The following NAV3 variants were observed in gnomAD, a reference collection of about 807,000 sequenced individuals.
NAV3 encodes neuron navigator 3.
Under a neutral mutation model 244.7 loss-of-function variants are expected in NAV3, and 87 were observed. The ratio of observed to expected loss-of-function variants is 0.36; its 90% CI spans 0.30 to 0.42. The LOEUF is 0.42. Ranked by LOEUF, NAV3 falls within the 20% of genes least tolerant of loss-of-function variation. The pLI is 1.00. For missense variants in NAV3, 2,663 were observed against 2,893.3 expected, an observed-to-expected ratio of 0.92 and a Z score of 1.83; for synonymous variants, 1,126 against 1,042.2, an observed-to-expected ratio of 1.08 and a Z score of -1.55.
chr12:78,109,192 A>G (rs1242103296), intron 12 of NAV3, among the ~76,000 whole-genome samples: 1 of 152,052 alleles, frequency 6.6e-6, no homozygotes, highest in Non-Finnish European at 1.5e-5. Context: ...TGAAAAATGG[A>G]AAATATAGAG....
intron 1 of NAV3, among the ~76,000 whole-genome samples, chr12:77,844,579 C>T (rs1019519170): frequency 6.6e-6 from 1 of 152,156 alleles, no homozygotes; most frequent in African/African-American, 2.4e-5. Context: ...AAAAATTTCT[C>T]ACTAACATTT....
At chr12:77,718,264 A>G (rs548556260) in intron 2 of NAV3, among the ~76,000 whole-genome samples, 58 of 152,282 alleles carry the variant, frequency 3.8e-4, no homozygotes, top group African/African-American at 1.4e-3. Context: ...GTGTACAATA[A>G]GGCTCAAATT....
rs2138616292 is a variant in NAV3, at chr12:78,119,526, A to G, written c.3330A>G (p.Arg1110=). Residue 1110 remains arginine, a synonymous_variant, in exon 15 of 40, where the codon AGA becomes AGG. Transcript: ENST00000397909. ...TTGGCGGGAAGTCAAATGCAGGGAG[A>G]AAAACCAGTTTGGACGGTTCACAGA... is the stretch of plus-strand genomic sequence containing the variant. ...AAIGGKSNAG[R]KTSLDGSQNQ... The G allele has an allele frequency of 6.2e-7, 1 of 1,614,202 alleles. No individual in the cohort carries two copies. Among genetic ancestry groups the G allele is most frequent in the Non-Finnish European group, 8.5e-7 (1 of 1,180,036 alleles).
intron 20 of NAV3, among the ~76,000 whole-genome samples, chr12:78,145,464 G>C (rs1039238442): frequency 6.6e-6 from 1 of 152,286 alleles, no homozygotes; most frequent in African/African-American, 2.4e-5. Flanking sequence ...TAGAAAACGA[G>C]AGATTGTTTT....
At chr12:78,127,095 C>G (rs1408325237) in intron 16 of NAV3, 72 bp from the exon 17 acceptor site, 1 of 1,484,066 alleles carries the variant, frequency 6.7e-7, no homozygotes, top group Non-Finnish European at 9.3e-7. Flanking sequence ...TTCAGAGAAC[C>G]ATTTTTGTTG....
chr12:77,974,059 C>T (rs925466745), intron 5 of NAV3, among the ~76,000 whole-genome samples: 2 of 151,780 alleles, frequency 1.3e-5, no homozygotes, highest in African/African-American at 2.4e-5. Flanking sequence ...TGCACGTGCA[C>T]ACACTTTTGT....
chr12:77,624,446 T>TA (rs944310589), intron 2 of NAV3, among the ~76,000 whole-genome samples: 36 of 152,160 alleles, frequency 2.4e-4, no homozygotes, highest in Middle Eastern at 3.4e-3. Flanking sequence ...ATCCTAAGTA[T>TA]AAAAAGGATC....
intron 2 of NAV3, among the ~76,000 whole-genome samples, chr12:77,759,133 A>ATC (rs1240508439): frequency 6.6e-6 from 1 of 152,158 alleles, no homozygotes; most frequent in African/African-American, 2.4e-5. Flanking sequence ...GACATCCTTA[A>ATC]TCCCTATATT....
chr12:77,898,405 G>A (rs923440677), intron 1 of NAV3, among the ~76,000 whole-genome samples: 1 of 152,072 alleles, frequency 6.6e-6, no homozygotes, highest in Non-Finnish European at 1.5e-5. Flanking sequence ...ATATATAGAC[G>A]CAAACAAATT....
intron 19 of NAV3, among the ~76,000 whole-genome samples, chr12:78,138,174 A>T (rs1296335370): frequency 6.6e-6 from 1 of 152,158 alleles, no homozygotes; most frequent in Non-Finnish European, 1.5e-5. Flanking sequence ...TATTAACCCT[A>T]ATAATTATGT....
At chr12:77,801,454 G>A (rs138964499) in intron 2 of NAV3, among the ~76,000 whole-genome samples, 15 of 152,054 alleles carry the variant, frequency 9.9e-5, no homozygotes, top group African/African-American at 3.4e-4. Context: ...AGAAAGAGGG[G>A]AGTTTTTGTT....
chr12:77,965,202 A>G (rs1357829831), intron 3 of NAV3, among the ~76,000 whole-genome samples: 3 of 152,222 alleles, frequency 2.0e-5, no homozygotes, highest in South Asian at 2.1e-4. Flanking sequence ...TTAGCTTTCT[A>G]TGCTCTTACG....
At chr12:77,658,027 A>G (rs1384821636) in intron 2 of NAV3, among the ~76,000 whole-genome samples, 11 of 151,602 alleles carry the variant, frequency 7.3e-5, no homozygotes, top group African/African-American at 2.7e-4. Context: ...AACTGGAAGC[A>G]TTCCCTTTGA....
intron 38 of NAV3, among the ~76,000 whole-genome samples, chr12:78,200,864 TAGAC>T (rs894690213): frequency 6.6e-6 from 1 of 152,022 alleles, no homozygotes; most frequent in African/African-American, 2.4e-5. Context: ...TTGTTTTTAT[TAGAC>T]AGCTAGTTAA....
In NAV3 at chr12:78,175,280, A is replaced by G. The variant is rs1276872016; in HGVS notation, c.4982-26A>G. On this transcript the variant is annotated intron_variant, in intron 24 of 39. Coordinates refer to ENST00000397909, the MANE Select transcript of NAV3 (RefSeq NM_001024383.2). ...TCAGATCGAGACTCTTCATGAGCCG[A>G]TGTGATACTCTCCCTCTATTGCTAG... 4.4e-6 allele frequency: 7 copies of G among 1,608,168 alleles called. No individual in the cohort carries two copies. The East Asian group carries it at 6.7e-5, about 15-fold the overall frequency.
At chr12:77,746,477 A>C (rs1418892809) in intron 2 of NAV3, among the ~76,000 whole-genome samples, 1 of 152,138 alleles carries the variant, frequency 6.6e-6, no homozygotes, top group African/African-American at 2.4e-5. Flanking sequence ...CTACAAGTAC[A>C]TCTATATGTG....
Position 77,754,605 on chromosome 12 carries a change from A to G in NAV3, c.72+182339A>G, listed in dbSNP as rs532668561. Among the ~76,000 whole-genome samples the G allele has an allele frequency of 5.9e-5, 9 of 152,324 alleles. No individual in the cohort carries two copies. In the South Asian group the frequency reaches 1.9e-3, roughly 32 times the overall value. ...TAAAACTTGGACAGCTGCAGAAAAC[A>G]TGTTTCTTAATACAATTTTGTGTTT... On this transcript the variant is annotated intron_variant, in intron 2 of 8. Coordinates refer to the NAV3 transcript ENST00000550042.
At chr12:78,032,994 C>T (rs1879254189) in intron 9 of NAV3, among the ~76,000 whole-genome samples, 1 of 151,988 alleles carries the variant, frequency 6.6e-6, no homozygotes, top group Admixed American at 6.5e-5. Flanking sequence ...AATTTATATT[C>T]AACTGAAAAA....
At chr12:77,947,237 T>A (rs1196375687) in intron 3 of NAV3, among the ~76,000 whole-genome samples, 1 of 152,064 alleles carries the variant, frequency 6.6e-6, no homozygotes, top group African/African-American at 2.4e-5. Context: ...GGAATTCACA[T>A]CTTTATCCCA....
Sources: allele counts gnomAD v4.1 joint callset (sites outside exome capture counted in the v4.1 genomes callset), GRCh38; gene constraint gnomAD v4.1.1; transcripts MANE v1.5; gene names NCBI Gene and HGNC (gene_info 2026-07-23, HGNC 2026-07-21).